The following CPXM2 variants were observed in gnomAD, a reference collection of about 807,000 sequenced individuals.
CPXM2 encodes inactive carboxypeptidase-like protein X2.
In CPXM2, 66 loss-of-function variants were observed where a neutral mutation model predicts 86.1. The ratio of observed to expected loss-of-function variants is 0.77; its 90% CI spans 0.63 to 0.94. The LOEUF (loss-of-function observed/expected upper bound fraction) is 0.94, where lower values mean the gene tolerates loss of function less well. Ranked by LOEUF, CPXM2 falls within the 40% of genes least tolerant of loss-of-function variation. The pLI, the probability that CPXM2 is intolerant of heterozygous loss-of-function variation, is 0.00. For missense variants in CPXM2, 948 were observed against 1,026.3 expected, an observed-to-expected ratio of 0.92 and a Z score of 1.04; for synonymous variants, 388 against 400.2, an observed-to-expected ratio of 0.97 and a Z score of 0.36.
intron 4 of CPXM2, among the ~76,000 whole-genome samples, chr10:123,826,094 T>G (rs1487431768): frequency 6.6e-6 from 1 of 152,220 alleles, no homozygotes; most frequent in Non-Finnish European, 1.5e-5. Flanking sequence ...TTTTATTTCA[T>G]TTAATCAACA....
chr10:123,779,775 T>C (rs1846890855), intron 7 of CPXM2, among the ~76,000 whole-genome samples: 1 of 152,180 alleles, frequency 6.6e-6, no homozygotes. Flanking sequence ...AACGTGATCA[T>C]GTATGTAAGT....
chr10:123,789,001 G>A (rs1219311401), intron 6 of CPXM2, among the ~76,000 whole-genome samples: 2 of 151,984 alleles, frequency 1.3e-5, no homozygotes, highest in Non-Finnish European at 2.9e-5. Flanking sequence ...TCCCACCCAA[G>A]GAGCAGCTGC....
chr10:123,765,602 A>T (rs1433982202), intron 10 of CPXM2, among the ~76,000 whole-genome samples: 1 of 152,230 alleles, frequency 6.6e-6, no homozygotes. Context: ...CAACTAAAAC[A>T]GGTTCTGTGG....
At chr10:123,761,139 T>C (rs986518725) in intron 11 of CPXM2, among the ~76,000 whole-genome samples, 2 of 152,152 alleles carry the variant, frequency 1.3e-5, no homozygotes, top group African/African-American at 4.8e-5. Flanking sequence ...TAAGGGAATT[T>C]CTGAAGTCTC....
Position 123,803,118 on chromosome 10 carries a change from C to CTTTTTTTTTTTTTTTTTTTT in CPXM2, c.654-3939_654-3920dup, listed in dbSNP as rs532954173. 6.3e-5 allele frequency among the ~76,000 whole-genome samples: 4 copies of CTTTTTTTTTTTTTTTTTTTT among 63,630 alleles called. 1 individual carries two copies. Among genetic ancestry groups the CTTTTTTTTTTTTTTTTTTTT allele is most frequent in the South Asian group, 6.5e-4 (1 of 1,532 alleles). The allele number at this position is 63,630 out of a possible 152,430, so 41.7% of individuals were successfully genotyped here. On this transcript the variant is annotated intron_variant, in intron 4 of 13. Coordinates refer to ENST00000241305, the MANE Select transcript of CPXM2 (RefSeq NM_198148.3). ...TCCTTTTCATCCTCTTTGTAGTACC[C>CTTTTTTTTTTTTTTTTTTTT]TTTTTTTTTTTTTTTTTTTTTTTTT... is the stretch of plus-strand genomic sequence containing the variant.
At chr10:123,870,911 A>G (rs560730356) in intron 2 of CPXM2, among the ~76,000 whole-genome samples, 32 of 152,332 alleles carry the variant, frequency 2.1e-4, no homozygotes, top group African/African-American at 7.2e-4. Flanking sequence ...CCAGTCTCAG[A>G]AGAGAGTCCC....
intron 2 of CPXM2, among the ~76,000 whole-genome samples, chr10:123,868,282 T>C (rs1381610562): frequency 6.6e-6 from 1 of 152,166 alleles, no homozygotes; most frequent in Admixed American, 6.5e-5. Context: ...GGCTGCACCC[T>C]GGTCTTTGGA....
At chr10:123,888,343 C>T (rs1299472224) in intron 1 of CPXM2, among the ~76,000 whole-genome samples, 1 of 152,140 alleles carries the variant, frequency 6.6e-6, no homozygotes, top group Non-Finnish European at 1.5e-5. Context: ...TGCTTTTATA[C>T]TGTTATGCAT....
chr10:123,852,302 A>T (rs1169079439), intron 3 of CPXM2, among the ~76,000 whole-genome samples: 1 of 152,238 alleles, frequency 6.6e-6, no homozygotes, highest in Admixed American at 6.5e-5. Context: ...GTTGCAGGTT[A>T]AAAAGCATGC....
chr10:123,825,253 G>C lies in CPXM2; in HGVS notation c.653+17096C>G, dbSNP rs540680416. Among the ~76,000 whole-genome samples the C allele has an allele frequency of 4.0e-4, 61 of 152,274 alleles. No homozygotes were observed. The East Asian group carries it at 5.4e-3, about 13-fold the overall frequency. ...CATTAGAGAAGAGACAGAGAGGAAG[G>C]GGGCAGGGTGAAATGCCCGTATATA... On this transcript the variant is annotated intron_variant, in intron 4 of 13. Transcript: ENST00000241305.
At chr10:123,858,378 C>T (rs117789335) in intron 3 of CPXM2, among the ~76,000 whole-genome samples, 2,372 of 152,218 alleles carry the variant, frequency 0.016, 55 homozygotes, top group Non-Finnish European at 0.018. Flanking sequence ...CAGCATTTGG[C>T]GAGGGTGCAG....
chr10:123,763,130 C>T (rs920480600), intron 10 of CPXM2, among the ~76,000 whole-genome samples: 2 of 152,144 alleles, frequency 1.3e-5, no homozygotes, highest in Admixed American at 6.5e-5. Flanking sequence ...ACCTCCGCCT[C>T]CCGGGTTCAG....
At chr10:123,922,478 G>A (rs149769337) in intron 2 of CPXM2, among the ~76,000 whole-genome samples, 3 of 152,234 alleles carry the variant, frequency 2.0e-5, no homozygotes, top group East Asian at 3.9e-4. Flanking sequence ...TGTGCTTTAG[G>A]TATTCACTCA....
intron 1 of CPXM2, among the ~76,000 whole-genome samples, chr10:123,887,422 A>C (rs1045714914): frequency 3.9e-5 from 6 of 152,192 alleles, no homozygotes; most frequent in Non-Finnish European, 8.8e-5. Flanking sequence ...TGTGATAAAA[A>C]CTACAGAGAA....
chr10:123,870,544 A>C (rs1944877313), intron 2 of CPXM2, among the ~76,000 whole-genome samples: 1 of 152,188 alleles, frequency 6.6e-6, no homozygotes, highest in African/African-American at 2.4e-5. Flanking sequence ...GTGAAGTGTG[A>C]AGGCAGCTTC....
At chr10:123,805,533 A>G (rs1302636342) in intron 4 of CPXM2, among the ~76,000 whole-genome samples, 2 of 152,110 alleles carry the variant, frequency 1.3e-5, no homozygotes, top group Non-Finnish European at 2.9e-5. Flanking sequence ...ACCGATTCCT[A>G]GTTTAATTCC....
Position 123,891,628 on chromosome 10 carries a change from A to G in CPXM2, c.32T>C (p.Leu11Pro), listed in dbSNP as rs1260961224. The G allele has an allele frequency of 2.0e-6, 3 of 1,473,346 alleles. No homozygotes were observed. The highest frequency in any genetic ancestry group is 2.7e-6 in the Non-Finnish European group (3 of 1,111,444). The allele number at this position is 1,473,346 out of a possible 1,614,324, so 91.3% of individuals were successfully genotyped here. The change falls in exon 1 of 14, where the codon CTG becomes CCG. Residue 11 changes from leucine to proline, a missense_variant. Transcript: ENST00000241305. This position sits in a 1 kb window ranked among gnomAD's most constrained non-coding sequence, Gnocchi z 5.6. ...GGTCACTGCCAGGAGCACCAGGGCCAGCGCTGGGGTAGCGGTCCCCGGGCG... is the reference window on the plus strand; with the variant it reads ...GGTCACTGCCAGGAGCACCAGGGCCGGCGCTGGGGTAGCGGTCCCCGGGCG... MSRPGTATPALALVLLAVTLA... is the reference protein window; with the variant it reads MSRPGTATPAPALVLLAVTLA...
intron 2 of CPXM2, among the ~76,000 whole-genome samples, chr10:123,873,690 A>G (rs754913214): frequency 6.6e-6 from 1 of 152,148 alleles, no homozygotes; most frequent in Non-Finnish European, 1.5e-5. Flanking sequence ...TTAATAATAA[A>G]GATTAGTGAG....
chr10:123,841,312 C>T (rs907337621), intron 4 of CPXM2, among the ~76,000 whole-genome samples: 6 of 152,286 alleles, frequency 3.9e-5, no homozygotes, highest in East Asian at 1.9e-4. Context: ...TGAGCCGCCG[C>T]GGTCGACAGG....
Sources: gnomAD v4.1 joint callset for allele counts (sites outside exome capture counted in the v4.1 genomes callset) on GRCh38, gnomAD v4.1.1 for gene constraint, Gnocchi (gnomAD v3.1) non-coding constraint, MANE v1.5 for transcripts, NCBI Gene and HGNC (gene_info 2026-07-23, HGNC 2026-07-21) for gene names.